Variants in ZNF510 observed in about 807,000 individuals in gnomAD.
ZNF510 encodes the protein zinc finger protein 510.
Under a neutral mutation model 18.1 loss-of-function variants are expected in ZNF510, and 15 were observed. The observed-to-expected ratio is 0.83, with a 90% confidence interval of 0.55 to 1.28. The LOEUF is 1.28. ZNF510 is among the 50% of genes most tolerant of loss of function. The pLI, the probability that ZNF510 is intolerant of heterozygous loss-of-function variation, is 0.00. For synonymous variants in ZNF510, 261 were observed against 266.4 expected (o/e 0.98, Z 0.20); for missense variants, 724 against 791.8 (o/e 0.91, Z 1.03).
chr9:96,769,403 T>C (rs10156441), intron 3 of ZNF510, among the ~76,000 whole-genome samples: 16,955 of 150,628 alleles, frequency 0.11, 2,817 homozygotes, highest in African/African-American at 0.36. Context: ...TGCCACTGGA[T>C]TCCAGCCTGG....
At position 96,759,189 on chromosome 9, in the gene ZNF510, ATTACAC is replaced by A; in HGVS notation, c.1635_1640del (p.Gln545_Asn547delinsHis). ...TTCGCCAGAAGGATTTTTCACATTC[ATTACAC>A]TGGTAAGTTTTCTCCCCAGTGTGAG... On this transcript the variant is annotated inframe_deletion, in exon 6 of 6. Coordinates refer to ENST00000223428, the MANE Select transcript of ZNF510 (RefSeq NM_014930.3). The A allele has an allele frequency of 6.2e-7, 1 of 1,614,028 alleles. No individual in the cohort carries two copies. Among genetic ancestry groups the A allele is most frequent in the South Asian group, 1.1e-5 (1 of 91,074 alleles).
At chr9:96,775,057 G>GT (rs1378115590) in intron 2 of ZNF510, among the ~76,000 whole-genome samples, 1 of 141,178 alleles carries the variant, frequency 7.1e-6, no homozygotes, top group South Asian at 2.1e-4. Flanking sequence ...GTGTGTGTGT[G>GT]TTTTTTTGTT....
chr9:96,774,243 G>C (rs941883781), intron 3 of ZNF510, among the ~76,000 whole-genome samples: 4 of 152,122 alleles, frequency 2.6e-5, no homozygotes, highest in Admixed American at 2.6e-4. Flanking sequence ...CTACACCATC[G>C]ATCTCTCCTT....
intron 5 of ZNF510, 99 bp from the exon 6 acceptor site, chr9:96,760,576 A>T (rs1231691285): frequency 7.2e-6 from 8 of 1,110,444 alleles, no homozygotes; most frequent in Non-Finnish European, 9.9e-6. Flanking sequence ...TATTTGATTT[A>T]TCAAGATTAA....
In ZNF510 at chr9:96,759,775, G is replaced by A. The variant is rs1849300571; in HGVS notation, c.1055C>T (p.Thr352Ile). 1 of 1,613,960 alleles carries A rather than the reference G, an allele frequency of 6.2e-7. No homozygotes were observed. Among genetic ancestry groups the A allele is most frequent in the African/African-American group, 1.3e-5 (1 of 74,934 alleles). ...TTCTATGACAGCTGTTTGAGGATCAGTGAGGTGTGCCTTTCTGTTGAAATT... is the reference window on the plus strand; with the variant it reads ...TTCTATGACAGCTGTTTGAGGATCAATGAGGTGTGCCTTTCTGTTGAAATT... Reference protein sequence around the residue: ...GNNFNRKAHLTDPQTAVIEEN... With the variant: ...GNNFNRKAHLIDPQTAVIEEN... Residue 352 changes from threonine to isoleucine, a missense_variant, in exon 6 of 6, where the codon ACT becomes ATT. Coordinates refer to ENST00000223428, the MANE Select transcript of ZNF510 (RefSeq NM_014930.3).
rs1849654094 is a variant in ZNF510, at chr9:96,774,782, A to G, written c.129+6T>C. The G allele has an allele frequency of 6.2e-7, 1 of 1,612,074 alleles. No individual in the cohort carries two copies. On this transcript the variant is annotated splice_donor_region_variant and intron_variant, in intron 3 of 5. Transcript: ENST00000223428. ...ATGATGAAAAAGGTATTAGTAATTA[A>G]CTCACCTGAGATATGTTCATTTTCT...
chr9:96,767,037 G>A (rs1240836779), intron 3 of ZNF510, among the ~76,000 whole-genome samples: 1 of 152,176 alleles, frequency 6.6e-6, no homozygotes, highest in Admixed American at 6.5e-5. Flanking sequence ...AAAATCAAAA[G>A]AGAAATGAGG....
chr9:96,759,544 T>C lies in ZNF510; in HGVS notation c.1286A>G (p.Glu429Gly). The C allele has an allele frequency of 1.9e-6, 3 of 1,614,158 alleles. No individual in the cohort carries two copies. The highest frequency in any genetic ancestry group is 1.3e-5 in the African/African-American group (1 of 75,068). Residue 429 changes from glutamate (E) to glycine (G), a missense_variant, in exon 6 of 6, where the codon GAG becomes GGG. Coordinates refer to ENST00000223428, the MANE Select transcript of ZNF510 (RefSeq NM_014930.3). ...LIQHQRTHTG[E>G]KPFECSECGK... ...ACATTCACTACATTCAAATGGTTTC[T>C]CTCCTGTGTGAGTTCTCTGATGTTG...
At chr9:96,762,508 C>CAA (rs1235290923) in intron 5 of ZNF510, among the ~76,000 whole-genome samples, 22 of 79,820 alleles carry the variant, frequency 2.8e-4, no homozygotes, top group African/African-American at 4.4e-4. Flanking sequence ...GACTCCGTCT[C>CAA]AAAAAAAAAA....
chr9:96,775,428 TTGAC>T (rs1445044073), intron 2 of ZNF510, among the ~76,000 whole-genome samples: 1 of 152,204 alleles, frequency 6.6e-6, no homozygotes, highest in African/African-American at 2.4e-5. Context: ...TATGTCTTCT[TTGAC>T]TAACAACTTA....
chr9:96,776,063 G>A lies in ZNF510; in HGVS notation c.7C>T (p.Pro3Ser). ...CAATCTGTGATGGCTTCTGGATGTG[G>A]CGACATCACCAAGTCTGGTGCTCTC... MS[P>S]HPEAITDCVT... Residue 3 changes from proline to serine, a missense_variant, in exon 2 of 6, where the codon CCA (proline) becomes TCA (serine). Coordinates refer to ENST00000223428, the MANE Select transcript of ZNF510 (RefSeq NM_014930.3). The A allele has an allele frequency of 6.2e-7, 1 of 1,603,800 alleles. No homozygotes were observed. The highest frequency in any genetic ancestry group is 2.2e-5 in the East Asian group (1 of 44,738).
At position 96,758,720 on chromosome 9, in the gene ZNF510, G is replaced by C; in HGVS notation, c.*58C>G. 6.7e-7 allele frequency: 1 copy of C among 1,496,744 alleles called. No individual in the cohort carries two copies. Among genetic ancestry groups the C allele is most frequent in the Non-Finnish European group, 8.9e-7 (1 of 1,121,360 alleles). 92.7% of individuals were successfully genotyped at this position (1,496,744 alleles called of 1,614,324 possible). Reference sequence around the variant, plus strand: ...TCACTACCCTCAATTGGTTTTTTGTGTATCTCTGATATCAAATGGGGTATT... The same window carrying C: ...TCACTACCCTCAATTGGTTTTTTGTCTATCTCTGATATCAAATGGGGTATT... On this transcript the variant is annotated 3_prime_UTR_variant, in exon 6 of 6. Transcript: ENST00000223428.
intron 3 of ZNF510, among the ~76,000 whole-genome samples, chr9:96,766,579 C>G (rs1180392338): frequency 6.7e-6 from 1 of 149,828 alleles, no homozygotes; most frequent in African/African-American, 2.5e-5. Context: ...CATAATTAAC[C>G]AACCTGACTG....
chr9:96,761,858 A>G (rs997625144), intron 5 of ZNF510, among the ~76,000 whole-genome samples: 3 of 152,142 alleles, frequency 2.0e-5, no homozygotes, highest in African/African-American at 7.2e-5. Context: ...GATGAGCACT[A>G]TTTTTGCCAA....
chr9:96,775,066 T>TTTTTTTG (rs60249700), intron 2 of ZNF510, among the ~76,000 whole-genome samples: 7,161 of 120,466 alleles, frequency 0.059, 563 homozygotes, highest in African/African-American at 0.27. Flanking sequence ...TGTTTTTTTG[T>TTTTTTTG]TTTTTTTTTT....
At chr9:96,771,814 C>A in intron 3 of ZNF510, among the ~76,000 whole-genome samples, 1 of 151,906 alleles carries the variant, frequency 6.6e-6, no homozygotes, top group Non-Finnish European at 1.5e-5. Context: ...AATAAACTAA[C>A]AATAAACTGG....
chr9:96,764,831 C>T lies in ZNF510; in HGVS notation c.130-1199G>A, dbSNP rs139861666. 7.0e-3 allele frequency among the ~76,000 whole-genome samples: 1,063 copies of T among 152,006 alleles called. 10 individuals are homozygous for T. The highest frequency in any genetic ancestry group is 0.012 in the Non-Finnish European group (810 of 67,944). On this transcript the variant is annotated intron_variant, in intron 3 of 5. Transcript: ENST00000223428. ...AGAAAGAGGTATAAAAAATGAGTAA[C>T]GGGCCGGGTGCGGTGGCTCATGCCT...
intron 3 of ZNF510, among the ~76,000 whole-genome samples, chr9:96,765,355 T>G (rs1470699058): frequency 6.6e-6 from 1 of 152,148 alleles, no homozygotes; most frequent in Non-Finnish European, 1.5e-5. Context: ...TACAGGAAGG[T>G]AAAAAATTTG....
intron 4 of ZNF510, 123 bp downstream of exon 4, chr9:96,763,383 G>A: frequency 7.4e-7 from 1 of 1,356,096 alleles, no homozygotes; most frequent in Admixed American, 2.4e-5. Flanking sequence ...TAGTTACTTT[G>A]GAATCCTGAA....
Sources: gnomAD v4.1 joint callset for allele counts (sites outside exome capture counted in the v4.1 genomes callset) on GRCh38, gnomAD v4.1.1 for gene constraint, MANE v1.5 for transcripts, NCBI Gene and HGNC (gene_info 2026-07-23, HGNC 2026-07-21) for gene names.